IRAG1: variants seen among roughly 807,000 people sequenced by gnomAD.
The protein encoded by IRAG1 is IP3R-associated cGMP kinase substrate.
IRAG1 carries 62 observed loss-of-function variants against 106.2 expected under a neutral mutation model. The ratio of observed to expected loss-of-function variants is 0.58; its 90% CI spans 0.48 to 0.72. The LOEUF (loss-of-function observed/expected upper bound fraction) is 0.72. IRAG1 is among the 30% of genes least tolerant of loss of function. The probability of loss-of-function intolerance (pLI) is 0.00; values close to 1 mark genes in which losing one functional copy is unlikely to be tolerated. For missense variants in IRAG1, 1,064 were observed against 1,140.7 expected (o/e 0.93, Z 0.97); for synonymous variants, 462 against 443.9 (o/e 1.04, Z -0.51).
At chr11:10,604,689 G>A (rs1309246668) in intron 12 of IRAG1, 144 bp from the exon 13 acceptor site, 24 of 1,000,778 alleles carry the variant, frequency 2.4e-5, no homozygotes, top group Middle Eastern at 3.3e-4. Flanking sequence ...CAAGGGAAAC[G>A]CTCACTTCAC....
intron 2 of IRAG1, among the ~76,000 whole-genome samples, chr11:10,643,507 TG>T (rs1474641343): frequency 3.9e-5 from 6 of 152,248 alleles, no homozygotes; most frequent in African/African-American, 1.4e-4. Context: ...CAACAGACTC[TG>T]GGAGTGTGGA....
intron 1 of IRAG1, among the ~76,000 whole-genome samples, chr11:10,668,190 T>C (rs1859938282): frequency 6.6e-6 from 1 of 152,238 alleles, no homozygotes; most frequent in Non-Finnish European, 1.5e-5. Context: ...CCATTTCCTT[T>C]TAGCATTTTA....
At chr11:10,691,910 C>G (rs1005330521) in intron 1 of IRAG1, among the ~76,000 whole-genome samples, 1 of 152,186 alleles carries the variant, frequency 6.6e-6, no homozygotes, top group Non-Finnish European at 1.5e-5. Flanking sequence ...GTGTCCTCCT[C>G]TACAAGACCA....
rs776673305 is a variant in IRAG1, at chr11:10,575,831, T to C, written c.*501A>G. 1.3e-5 allele frequency: 2 copies of C among 154,438 alleles called. No homozygotes were observed. Among genetic ancestry groups the C allele is most frequent in the Admixed American group, 6.3e-5 (1 of 15,856 alleles). 9.6% of individuals were successfully genotyped at this position (154,438 alleles called of 1,614,324 possible). ...GGAAAGAATGGGAGGCTGAAGTTAT[T>C]GAAAATGAGATGGGAAATGGGAAGA... On this transcript the variant is annotated 3_prime_UTR_variant, in exon 21 of 21. Transcript: ENST00000423302.
chr11:10,680,323 G>GAA (rs1861059802), intron 1 of IRAG1, among the ~76,000 whole-genome samples: 2 of 86,576 alleles, frequency 2.3e-5, no homozygotes, highest in African/African-American at 1.1e-4. Flanking sequence ...GGAGGGAGGG[G>GAA]GGAAGGAAGG....
chr11:10,648,833 G>A (rs909708865), intron 2 of IRAG1, among the ~76,000 whole-genome samples: 7 of 152,134 alleles, frequency 4.6e-5, no homozygotes, highest in African/African-American at 1.4e-4. Context: ...GCGTGTGTAC[G>A]TGCAGAAAGA....
intron 1 of IRAG1, 140 bp downstream of exon 1, chr11:10,693,396 G>T: frequency 2.1e-6 from 3 of 1,420,010 alleles, no homozygotes; most frequent in Non-Finnish European, 2.8e-6. Context: ...CAGCTGAAAT[G>T]CCACCCAACA....
At position 10,591,184 on chromosome 11, in the gene IRAG1, G is replaced by A. The variant is rs537349091; in HGVS notation, c.2240+364C>T. The stretch of plus-strand genomic sequence containing the variant: ...CCAGAGGCAAGGAAGTTGTAGACTC[G>A]CTGAGCTAGAGCCCTGCTGTGCCAT... On this transcript the variant is annotated intron_variant, in intron 18 of 20. Transcript: ENST00000423302. Among the ~76,000 whole-genome samples the A allele has an allele frequency of 9.2e-5, 14 of 152,248 alleles. 1 individual carries two copies. In the South Asian group the frequency reaches 2.1e-3, roughly 23 times the overall value.
Position 10,603,265 on chromosome 11 carries a change from G to A in IRAG1, c.1744-14C>T. 1 of 1,613,080 alleles carries A rather than the reference G, an allele frequency of 6.2e-7. No individual in the cohort carries two copies. Among genetic ancestry groups the A allele is most frequent in the Non-Finnish European group, 8.5e-7 (1 of 1,179,618 alleles). On this transcript the variant is annotated splice_polypyrimidine_tract_variant and intron_variant, in intron 13 of 20. Coordinates refer to ENST00000423302, the MANE Select transcript of IRAG1 (RefSeq NM_130385.4). ...TGAAGCTGAGGACTGAACAGGAGTA[G>A]GAGCATCACCTGGGGTCCTCAAATA...
intron 1 of IRAG1, among the ~76,000 whole-genome samples, chr11:10,676,639 T>C (rs1481617983): frequency 6.6e-6 from 1 of 152,148 alleles, no homozygotes; most frequent in African/African-American, 2.4e-5. Context: ...GGTGCCACAG[T>C]GCCACCACAC....
At chr11:10,608,866 CTT>C (rs761896375) in intron 11 of IRAG1, among the ~76,000 whole-genome samples, 1 of 152,022 alleles carries the variant, frequency 6.6e-6, no homozygotes, top group Non-Finnish European at 1.5e-5. Context: ...AATCTTGTCT[CTT>C]GTGTTTTTGG....
intron 3 of IRAG1, 109 bp from the exon 4 acceptor site, chr11:10,632,170 C>G: frequency 1.3e-6 from 1 of 743,668 alleles, no homozygotes; most frequent in Non-Finnish European, 2.2e-6. Context: ...TTCTTTGTTT[C>G]CTTCTTTCCT....
At chr11:10,590,545 G>C (rs1413090939) in intron 18 of IRAG1, among the ~76,000 whole-genome samples, 1 of 152,250 alleles carries the variant, frequency 6.6e-6, no homozygotes, top group South Asian at 2.1e-4. Flanking sequence ...AAGGACTAAA[G>C]CTGTCTTGAG....
intron 18 of IRAG1, among the ~76,000 whole-genome samples, chr11:10,588,286 A>G (rs1019647284): frequency 2.0e-5 from 3 of 152,102 alleles, no homozygotes; most frequent in African/African-American, 4.8e-5. Context: ...CTGTTCACCT[A>G]GTTGATTATG....
chr11:10,652,275 C>T (rs762989258), intron 1 of IRAG1, 93 bp from the exon 2 acceptor site: 52 of 1,559,580 alleles, frequency 3.3e-5, no homozygotes, highest in Non-Finnish European at 4.3e-5. Context: ...CAGTGAGAGC[C>T]GGCTTGAGTT....
At chr11:10,581,639 T>C (rs746053693) in intron 19 of IRAG1, among the ~76,000 whole-genome samples, 23 of 152,004 alleles carry the variant, frequency 1.5e-4, no homozygotes, top group Non-Finnish European at 2.8e-4. Flanking sequence ...GCTCTCTGCC[T>C]AAAAAGAGGG....
chr11:10,604,950 A>G (rs777811174), intron 12 of IRAG1, among the ~76,000 whole-genome samples: 14 of 152,192 alleles, frequency 9.2e-5, no homozygotes, highest in Admixed American at 5.9e-4. Context: ...GCAGGAAAAT[A>G]CTGTATTGAA....
intron 2 of IRAG1, among the ~76,000 whole-genome samples, chr11:10,634,838 T>A (rs144412311): frequency 6.6e-6 from 1 of 151,972 alleles, no homozygotes; most frequent in Admixed American, 6.6e-5. Flanking sequence ...TTTTAATTCA[T>A]CCATTGACAG....
intron 1 of IRAG1, among the ~76,000 whole-genome samples, chr11:10,687,255 T>C (rs1377005338): frequency 6.6e-6 from 1 of 152,112 alleles, no homozygotes; most frequent in African/African-American, 2.4e-5. Context: ...CAGGCCCTCA[T>C]AGTGGTACCC....
Sources: gnomAD v4.1 joint callset for allele counts (sites outside exome capture counted in the v4.1 genomes callset) on GRCh38, gnomAD v4.1.1 for gene constraint, MANE v1.5 for transcripts, NCBI Gene and HGNC (gene_info 2026-07-23, HGNC 2026-07-21) for gene names.